PCDHGB4: variants seen among roughly 807,000 people sequenced by gnomAD.
PCDHGB4 encodes the protein protocadherin gamma subfamily B, 4, also known as protocadherin gamma-B4.
PCDHGB4 carries 38 observed loss-of-function variants against 60.5 expected under a neutral mutation model. The observed-to-expected ratio is 0.63, with a 90% CI of 0.48 to 0.82. PCDHGB4 has a LOEUF of 0.82. Among genes scored for constraint, PCDHGB4 ranks in the 40% least tolerant of loss-of-function variants. The probability of loss-of-function intolerance (pLI) is 0.00; values close to 1 mark genes in which losing one functional copy is unlikely to be tolerated. For synonymous variants in PCDHGB4, 456 were observed against 509.7 expected, an observed-to-expected ratio of 0.89 and a Z score of 1.42; for missense variants, 1,109 against 1,209.6, an observed-to-expected ratio of 0.92 and a Z score of 1.23.
In PCDHGB4 at chr5:141,389,259, G is replaced by T. The variant is rs374136353; in HGVS notation, c.1375G>T (p.Val459Leu). ...CTCACAGTCTTCCTATATAGTCCAC[G>T]TGGCCGAGAACAACCCGCCTGGAGC... ...VFSQSSYIVHVAENNPPGASI... is the reference protein window; with the variant it reads ...VFSQSSYIVHLAENNPPGASI... Residue 459 changes from valine to leucine, a missense_variant, in exon 1 of 4, where the codon GTG (valine) becomes TTG (leucine). This residue lies in a region of PCDHGB4 where 1,068 missense variants were observed against 1,089.9 expected (regional missense o/e 0.98). Transcript: ENST00000519479. The T allele has an allele frequency of 1.4e-5, 22 of 1,613,888 alleles. No individual in the cohort carries two copies. The African/African-American group carries it at 2.4e-4, about 18-fold the overall frequency.
intron 1 of PCDHGB4, among the ~76,000 whole-genome samples, chr5:141,451,364 C>T (rs970149151): frequency 3.9e-5 from 6 of 152,078 alleles, no homozygotes; most frequent in Middle Eastern, 3.2e-3. Context: ...AGGATGGATC[C>T]GCTTCTAATC....
Position 141,427,512 on chromosome 5 carries a change from T to A in PCDHGB4, c.2397+37231T>A, listed in dbSNP as rs1483922394. ...GCTTGTAACAGATGGGACCCTGGATTGGGAGCGGATCCCGGAGTACAACGT... is the reference window on the plus strand; with the variant it reads ...GCTTGTAACAGATGGGACCCTGGATAGGGAGCGGATCCCGGAGTACAACGT... On this transcript the variant is annotated intron_variant, in intron 1 of 3. Transcript: ENST00000519479. 1.2e-5 allele frequency: 7 copies of A among 592,748 alleles called. No homozygotes were observed. The Admixed American group carries it at 1.3e-4, about 11-fold the overall frequency. 36.7% of individuals were successfully genotyped at this position (592,748 alleles called of 1,614,324 possible). A position where few individuals can be genotyped will look rare whatever the true frequency, so the allele number is the denominator to read the frequency against.
intron 1 of PCDHGB4, chr5:141,395,958 A>G (rs1224647324): frequency 6.6e-6 from 1 of 152,208 alleles, no homozygotes; most frequent in Admixed American, 6.5e-5. Context: ...ACAAAAAACA[A>G]AAGCAAAAAC....
At chr5:141,421,388 G>T in intron 1 of PCDHGB4, 17 of 1,614,052 alleles carry the variant, frequency 1.1e-5, no homozygotes, top group Non-Finnish European at 1.4e-5. Flanking sequence ...AAGGACCTGG[G>T]GCTGGAGCCC....
At position 141,408,449 on chromosome 5, in the gene PCDHGB4, G is replaced by C. The variant is rs1561713163; in HGVS notation, c.2397+18168G>C. On this transcript the variant is annotated intron_variant, in intron 1 of 3. Coordinates refer to ENST00000519479, the MANE Select transcript of PCDHGB4 (RefSeq NM_003736.4). Reference sequence around the variant, plus strand: ...CTTCAGCGTAGACGCGGAGAGCGGGGACTTACTTGTGAAGAACCGAATAGA... The same window carrying C: ...CTTCAGCGTAGACGCGGAGAGCGGGCACTTACTTGTGAAGAACCGAATAGA... The C allele has an allele frequency of 1.9e-6, 3 of 1,613,966 alleles. No individual in the cohort carries two copies. In the Admixed American group the frequency reaches 5.0e-5, roughly 27 times the overall value.
At chr5:141,410,363 C>T (rs1341289640) in intron 1 of PCDHGB4, 6 of 1,614,068 alleles carry the variant, frequency 3.7e-6, no homozygotes, top group Non-Finnish European at 3.4e-6. Flanking sequence ...CTCTCTCAGC[C>T]CTGCTACTTG....
In PCDHGB4 at chr5:141,477,406, A is replaced by G. The variant is rs1004061582; in HGVS notation, c.2398-17401A>G. The G allele has an allele frequency of 6.2e-7, 1 of 1,614,154 alleles. No individual in the cohort carries two copies. Among genetic ancestry groups the G allele is most frequent in the Non-Finnish European group, 8.5e-7 (1 of 1,180,040 alleles). The stretch of plus-strand genomic sequence containing the variant: ...AATACAACCTCAGCATCACCGCCCG[A>G]GACGCCGGAACCCCTTCCCTCTCAG... On this transcript the variant is annotated intron_variant, in intron 1 of 3. Transcript: ENST00000519479. The surrounding 1 kb of genome is among the most constrained non-coding windows in gnomAD (Gnocchi z 4.9).
chr5:141,496,533 G>A (rs2099769399), intron 2 of PCDHGB4, among the ~76,000 whole-genome samples: 2 of 152,176 alleles, frequency 1.3e-5, no homozygotes, highest in Admixed American at 1.3e-4. Context: ...GTGTATGGCA[G>A]AGATTCCAGC....
At position 141,491,462 on chromosome 5, in the gene PCDHGB4, T is replaced by C; in HGVS notation, c.2398-3345T>C. 1.2e-6 allele frequency: 2 copies of C among 1,614,004 alleles called. No individual in the cohort carries two copies. The highest frequency in any genetic ancestry group is 1.7e-6 in the Non-Finnish European group (2 of 1,179,978). ...CGCCAGGACTCACCCTCCCCGGACT[T>C]CTATAAGCAGTCCAGCCCCAACCTG... On this transcript the variant is annotated intron_variant, in intron 1 of 3. Coordinates refer to ENST00000519479, the MANE Select transcript of PCDHGB4 (RefSeq NM_003736.4). This position sits in a 1 kb window ranked among gnomAD's most constrained non-coding sequence, Gnocchi z 6.9.
At chr5:141,393,569 T>C (rs1227543853) in intron 1 of PCDHGB4, 1 of 1,613,918 alleles carries the variant, frequency 6.2e-7, no homozygotes, top group South Asian at 1.1e-5. Context: ...TGAAAGTCCT[T>C]GAGAACATGC....
intron 1 of PCDHGB4, chr5:141,398,846 C>T (rs1589346275): frequency 3.7e-6 from 6 of 1,613,850 alleles, no homozygotes; most frequent in South Asian, 3.3e-5. Flanking sequence ...GATAATCCCC[C>T]GGTATTCAAC....
chr5:141,497,191 A>G (rs2099774633), intron 2 of PCDHGB4, among the ~76,000 whole-genome samples: 1 of 126,864 alleles, frequency 7.9e-6, no homozygotes, highest in Admixed American at 8.3e-5. Context: ...TGAGAGGCAG[A>G]GAACAATGTG....
Position 141,388,781 on chromosome 5 carries a change from T to C in PCDHGB4, c.897T>C (p.Ile299=), listed in dbSNP as rs770000046. ...ACCTGAACTCTAACACCGGGGAAAT[T>C]ACTGTTTTAAATACATTAGATTTTG... ...QFDLNSNTGE[I]TVLNTLDFEE... Residue 299 remains isoleucine (I), a synonymous_variant, in exon 1 of 4, where the codon ATT becomes ATC. Transcript: ENST00000519479. The C allele has an allele frequency of 1.9e-6, 3 of 1,613,832 alleles. No homozygotes were observed. Among genetic ancestry groups the C allele is most frequent in the Non-Finnish European group, 2.5e-6 (3 of 1,179,844 alleles).
At chr5:141,462,833 A>G (rs1488609568) in intron 1 of PCDHGB4, among the ~76,000 whole-genome samples, 1 of 152,082 alleles carries the variant, frequency 6.6e-6, no homozygotes, top group Non-Finnish European at 1.5e-5. Flanking sequence ...GACATTGTAA[A>G]TGTTATATTT....
chr5:141,390,528 G>T (rs1438036547), intron 1 of PCDHGB4: 1 of 537,820 alleles, frequency 1.9e-6, no homozygotes, highest in Non-Finnish European at 3.3e-6. Context: ...TGAGGGTGTG[G>T]TTTTAACCAC....
intron 1 of PCDHGB4, among the ~76,000 whole-genome samples, chr5:141,438,633 TATACACAC>T (rs1401551511): frequency 0.055 from 1,851 of 33,458 alleles, 10 homozygotes; most frequent in African/African-American, 0.082. Flanking sequence ...TATATATATA[TATACACAC>T]ACACACACAC....
At chr5:141,470,694 A>T (rs763715272) in intron 1 of PCDHGB4, among the ~76,000 whole-genome samples, 1 of 151,978 alleles carries the variant, frequency 6.6e-6, no homozygotes, top group African/African-American at 2.4e-5. Flanking sequence ...GAAATTCTTA[A>T]TAATTTTTAT....
In PCDHGB4 at chr5:141,461,259, T is replaced by C. The variant is rs114101293; in HGVS notation, c.2398-33548T>C. Among the ~76,000 whole-genome samples the C allele has an allele frequency of 4.2e-3, 640 of 152,290 alleles. 5 individuals are homozygous for C. The highest frequency in any genetic ancestry group is 0.015 in the African/African-American group (623 of 41,554). On this transcript the variant is annotated intron_variant, in intron 1 of 3. Coordinates refer to ENST00000519479, the MANE Select transcript of PCDHGB4 (RefSeq NM_003736.4). ...TACTAATTTATATTCCCAGCAGCAA[T>C]GTGTAAGTGTTCTCTTTTCCCCACA...
chr5:141,484,930 G>A (rs992641330), intron 1 of PCDHGB4: 2 of 501,452 alleles, frequency 4.0e-6, no homozygotes, highest in South Asian at 2.6e-5. Flanking sequence ...CTGCTGTTGG[G>A]ACGTTCTCTG....
Sources: gnomAD v4.1 joint callset for allele counts (sites outside exome capture counted in the v4.1 genomes callset) on GRCh38, gnomAD v4.1.1 for gene constraint, gnomAD v4.1.1 regional missense constraint, Gnocchi (gnomAD v3.1) non-coding constraint, MANE v1.5 for transcripts, NCBI Gene and HGNC (gene_info 2026-07-23, HGNC 2026-07-21) for gene names.